Variants in ARHGEF18 observed in about 807,000 individuals in gnomAD.
ARHGEF18 encodes rho guanine nucleotide exchange factor 18.
Under a neutral mutation model 155.7 loss-of-function variants are expected in ARHGEF18, and 93 were observed. That is an observed-to-expected ratio of 0.60 (90% CI 0.50 to 0.71). The LOEUF (loss-of-function observed/expected upper bound fraction) is 0.71, where lower values mean the gene tolerates loss of function less well. Among genes scored for constraint, ARHGEF18 ranks in the 30% least tolerant of loss-of-function variants. The probability of loss-of-function intolerance (pLI) is 0.00; values close to 1 mark genes in which losing one functional copy is unlikely to be tolerated. For synonymous variants in ARHGEF18, 742 were observed against 753.1 expected (o/e 0.99, Z 0.24); for missense variants, 1,593 against 1,816.1 (o/e 0.88, Z 2.23).
intron 10 of ARHGEF18, among the ~76,000 whole-genome samples, chr19:7,399,802 C>A (rs1234032760): frequency 7.0e-6 from 1 of 142,194 alleles, no homozygotes; most frequent in African/African-American, 2.8e-5. Context: ...GACAGAGTTT[C>A]GCTCTTATCA....
chr19:7,373,882 A>C (rs1600219991), intron 3 of ARHGEF18, among the ~76,000 whole-genome samples: 8 of 121,088 alleles, frequency 6.6e-5, no homozygotes, highest in Non-Finnish European at 6.6e-5. Context: ...ACAGAATCTC[A>C]CTCTGTTGCC....
In ARHGEF18 at chr19:7,385,819, ATCTATCTCTCTCTATC is replaced by A. The variant is rs1240827885; in HGVS notation, c.967+2620_967+2635del. On this transcript the variant is annotated intron_variant, in intron 10 of 28. Transcript: ENST00000668164. ...TCAAAATTTCTATTTTAGAGATAGG[ATCTATCTCTCTCTATC>A]TCTCTCTCTCTCTCTCTCTCTCTCT... Among the ~76,000 whole-genome samples the A allele has an allele frequency of 4.4e-4, 39 of 89,324 alleles. 1 individual carries two copies. Among genetic ancestry groups the A allele is most frequent in the African/African-American group, 2.3e-3 (36 of 15,480 alleles). 58.6% of individuals were successfully genotyped at this position (89,324 alleles called of 152,430 possible).
At chr19:7,419,165 A>G (rs113674524) in intron 10 of ARHGEF18, among the ~76,000 whole-genome samples, 1,632 of 90,096 alleles carry the variant, frequency 0.018, 363 homozygotes, top group African/African-American at 0.11. Flanking sequence ...ACCCACCCTC[A>G]GCCTCTGTAC....
At chr19:7,387,389 T>C (rs529317023) in intron 10 of ARHGEF18, among the ~76,000 whole-genome samples, 60 of 152,146 alleles carry the variant, frequency 3.9e-4, no homozygotes, top group African/African-American at 1.3e-3. Flanking sequence ...CCTGACCTCG[T>C]GATCTGCCCG....
chr19:7,386,234 CAAAA>C (rs539106383), intron 10 of ARHGEF18, among the ~76,000 whole-genome samples: 2 of 108,276 alleles, frequency 1.8e-5, no homozygotes, highest in African/African-American at 3.3e-5. Context: ...TGCTATGTTG[CAAAA>C]AAAAAAAAAA....
intron 16 of ARHGEF18, among the ~76,000 whole-genome samples, chr19:7,452,453 A>AATTT (rs370557521): frequency 0.025 from 3,741 of 151,838 alleles, 85 homozygotes; most frequent in South Asian, 0.067. Context: ...GAGGGAATCT[A>AATTT]ATTTATTTAT....
intron 10 of ARHGEF18, among the ~76,000 whole-genome samples, chr19:7,419,773 A>C: frequency 6.6e-6 from 1 of 151,924 alleles, no homozygotes; most frequent in East Asian, 1.9e-4. Flanking sequence ...TTTCCCCAGG[A>C]CAGACTTCTG....
Position 7,464,860 on chromosome 19 carries a change from TTTC to T in ARHGEF18, c.2904+174_2904+176del, listed in dbSNP as rs1976518672. ...CCCAGATTAATGCACTGGCAGGTGA[TTTC>T]TTCCTGCAGCCTCCTGGGAAAAGCA... On this transcript the variant is annotated intron_variant, in intron 23 of 28. Coordinates refer to ENST00000668164, the MANE Select transcript of ARHGEF18 (RefSeq NM_001367823.1). 2.0e-5 allele frequency among the ~76,000 whole-genome samples: 3 copies of T among 152,278 alleles called. No homozygotes were observed. The South Asian group carries it at 6.2e-4, about 32-fold the overall frequency.
intron 10 of ARHGEF18, among the ~76,000 whole-genome samples, chr19:7,402,312 C>T (rs74576593): frequency 0.027 from 4,099 of 152,114 alleles, 179 homozygotes; most frequent in African/African-American, 0.093. Flanking sequence ...CCAGCTCCTC[C>T]GGAGGCTGAG....
chr19:7,477,321 C>A, downstream of ARHGEF18: 1 of 1,559,172 alleles, frequency 6.4e-7, no homozygotes, highest in South Asian at 1.2e-5. Flanking sequence ...GCCCACAGCA[C>A]GCCCCGGGGC....
chr19:7,391,810 A>G (rs373756752), intron 10 of ARHGEF18, among the ~76,000 whole-genome samples: 2 of 151,892 alleles, frequency 1.3e-5, no homozygotes, highest in South Asian at 2.1e-4. Flanking sequence ...CCTCCAGTGC[A>G]TAGGAGACCA....
intron 26 of ARHGEF18, among the ~76,000 whole-genome samples, chr19:7,468,534 G>A (rs947701406): frequency 1.3e-5 from 2 of 152,226 alleles, no homozygotes; most frequent in African/African-American, 4.8e-5. Flanking sequence ...GCAAGACCGT[G>A]TCTCTGAAAA....
At chr19:7,369,438 G>C (rs1412046375) in intron 2 of ARHGEF18, among the ~76,000 whole-genome samples, 2 of 151,190 alleles carry the variant, frequency 1.3e-5, no homozygotes, top group African/African-American at 2.4e-5. Context: ...TCCAGCCTAG[G>C]CAACAAGAGT....
chr19:7,378,438 G>A lies in ARHGEF18; in HGVS notation c.586G>A (p.Glu196Lys). The change falls in exon 6 of 29, where the codon GAA becomes AAA. Residue 196 changes from glutamate (E) to lysine (K), a missense_variant. Coordinates refer to ENST00000668164, the MANE Select transcript of ARHGEF18 (RefSeq NM_001367823.1). ...VLECMEKDHVEPDHVLIVQQV... is the reference protein window; with the variant it reads ...VLECMEKDHVKPDHVLIVQQV... ...GGAGTGCATGGAAAAAGACCATGTG[G>A]AACCAGATCACGTGTGAGTTTCTGC... The A allele has an allele frequency of 8.1e-7, 1 of 1,234,336 alleles. No individual in the cohort carries two copies. Among genetic ancestry groups the A allele is most frequent in the Non-Finnish European group, 1.0e-6 (1 of 988,194 alleles). 76.5% of individuals were successfully genotyped at this position (1,234,336 alleles called of 1,614,324 possible).
At chr19:7,370,276 A>G (rs921773890) in intron 2 of ARHGEF18, among the ~76,000 whole-genome samples, 28 of 152,170 alleles carry the variant, frequency 1.8e-4, no homozygotes, top group Non-Finnish European at 3.5e-4. Flanking sequence ...CGGGTGGATC[A>G]CGAGGTCAGG....
At chr19:7,386,633 T>C (rs1156540408) in intron 10 of ARHGEF18, among the ~76,000 whole-genome samples, 2 of 152,038 alleles carry the variant, frequency 1.3e-5, no homozygotes, top group African/African-American at 4.8e-5. Flanking sequence ...GGCAGGAATG[T>C]GCCCCGGGCA....
At chr19:7,351,930 G>C (rs1208680008) in intron 1 of ARHGEF18, among the ~76,000 whole-genome samples, 1 of 150,986 alleles carries the variant, frequency 6.6e-6, no homozygotes, top group African/African-American at 2.4e-5. Context: ...CCTGACCTCA[G>C]GTGATCCACC....
In ARHGEF18 at chr19:7,462,341, T is replaced by G; in HGVS notation, c.2635+7T>G. 1 of 1,579,450 alleles carries G rather than the reference T, an allele frequency of 6.3e-7. No homozygotes were observed. Among genetic ancestry groups the G allele is most frequent in the Non-Finnish European group, 8.6e-7 (1 of 1,163,936 alleles). On this transcript the variant is annotated splice_region_variant and intron_variant, in intron 21 of 28. Coordinates refer to ENST00000668164, the MANE Select transcript of ARHGEF18 (RefSeq NM_001367823.1). The surrounding 1 kb of genome is among the most constrained non-coding windows in gnomAD (Gnocchi z 4.4). ...AAGTCGGCCATGAGCGAGAGTAAGT[T>G]GGCTGCCCACACCTCAAGGGTGCAG...
At chr19:7,376,030 T>G (rs575131920) in intron 4 of ARHGEF18, among the ~76,000 whole-genome samples, 160 bp downstream of exon 4, 1 of 152,080 alleles carries the variant, frequency 6.6e-6, no homozygotes, top group South Asian at 2.1e-4. Context: ...CTCAGTTGTC[T>G]CTGGGTCCTA....
Sources: allele counts gnomAD v4.1 joint callset (sites outside exome capture counted in the v4.1 genomes callset), GRCh38; gene constraint gnomAD v4.1.1; non-coding constraint Gnocchi (gnomAD v3.1); transcripts MANE v1.5; gene names NCBI Gene and HGNC (gene_info 2026-07-23, HGNC 2026-07-21).